The following POU6F1 variants were observed in gnomAD, a reference collection of about 807,000 sequenced individuals.
POU6F1 encodes the protein POU domain, class 6, transcription factor 1.
POU6F1 carries 9 observed loss-of-function variants against 28.9 expected under a neutral mutation model. The ratio of observed to expected loss-of-function variants is 0.31; its 90% CI spans 0.19 to 0.54. The LOEUF (loss-of-function observed/expected upper bound fraction) is 0.54. Ranked by LOEUF, POU6F1 falls within the 20% of genes least tolerant of loss-of-function variation. The pLI is 0.94. For missense variants in POU6F1, 338 were observed against 426.1 expected, an observed-to-expected ratio of 0.79 and a Z score of 1.82; for synonymous variants, 173 against 171.1, an observed-to-expected ratio of 1.01 and a Z score of -0.09.
At chr12:51,194,227 A>G (rs1036075458) in intron 8 of POU6F1, among the ~76,000 whole-genome samples, 1 of 152,026 alleles carries the variant, frequency 6.6e-6, no homozygotes, top group African/African-American at 2.4e-5. Flanking sequence ...AGGTTTCACC[A>G]TGTTGGGCAG....
rs1271111089 is a variant in POU6F1, at chr12:51,199,046, C to T, written c.367-271G>A. 2.0e-5 allele frequency among the ~76,000 whole-genome samples: 3 copies of T among 152,216 alleles called. No homozygotes were observed. The highest frequency in any genetic ancestry group is 4.8e-5 in the African/African-American group (2 of 41,474). On this transcript the variant is annotated intron_variant, in intron 4 of 10. Coordinates refer to ENST00000333640, the MANE Select transcript of POU6F1 (RefSeq NM_001330422.2). This position sits in a 1 kb window ranked among gnomAD's most constrained non-coding sequence, Gnocchi z 4.1. ...CACAGGATGGGAAGGGGGCACAGGC[C>T]TCCCCCACCACAGCCTGCTGCCTGC...
rs1942794324 is a variant in POU6F1, at chr12:51,196,002, G to C, written c.1147C>G (p.Pro383Ala). Residue 383 changes from proline (P) to alanine (A), a missense_variant, in exon 8 of 11, where the codon CCA (proline) becomes GCA (alanine). Pro to Ala is a conservative substitution (Grantham distance 27). Around this residue, in one of 3 missense-constraint regions of POU6F1, gnomAD observed 206 missense variants for 225.6 expected, o/e 0.91. Transcript: ENST00000333640. ...TTAGCAGGGGACTCAGGTGTGCTTG[G>C]CTTCCGGACAGCCACAGGTGGAGGC... ...PLPPPVAVRK[P>A]STPESPAKSE... 1 of 1,608,248 alleles carries C rather than the reference G, an allele frequency of 6.2e-7. No individual in the cohort carries two copies. Among genetic ancestry groups the C allele is most frequent in the Non-Finnish European group, 8.5e-7 (1 of 1,178,790 alleles).
intron 2 of POU6F1, among the ~76,000 whole-genome samples, chr12:51,204,768 ACATGGTATC>A (rs1456794147): frequency 6.6e-6 from 1 of 152,164 alleles, no homozygotes; most frequent in East Asian, 1.9e-4. Context: ...AGGGCTCCTA[ACATGGTATC>A]CACAGCTTAA....
chr12:51,215,189 T>G (rs1944219065), intron 1 of POU6F1, among the ~76,000 whole-genome samples: 2 of 152,058 alleles, frequency 1.3e-5, no homozygotes, highest in Admixed American at 6.6e-5. Flanking sequence ...ACCTTTTCCC[T>G]CAAAACACAC....
intron 1 of POU6F1, among the ~76,000 whole-genome samples, chr12:51,212,140 C>A (rs1944039226): frequency 1.3e-5 from 2 of 151,916 alleles, no homozygotes; most frequent in Non-Finnish European, 2.9e-5. Flanking sequence ...GTCACCCAGG[C>A]TGGAGTCCAG....
Position 51,206,690 on chromosome 12 carries a change from T to A in POU6F1, c.48+99A>T, listed in dbSNP as rs1232377890. 1.3e-5 allele frequency: 5 copies of A among 398,046 alleles called. No homozygotes were observed. In the Admixed American group the frequency reaches 1.8e-4, roughly 14 times the overall value. The allele number at this position is 398,046 out of a possible 1,614,324, so 24.7% of individuals were successfully genotyped here. Reference sequence around the variant, plus strand: ...CAGGTGAAGTGATGGTGAACCCTGGTAAGAAACAGAGAGTGAAGGGCCCTG... The same window carrying A: ...CAGGTGAAGTGATGGTGAACCCTGGAAAGAAACAGAGAGTGAAGGGCCCTG... On this transcript the variant is annotated intron_variant, in intron 2 of 10. Coordinates refer to ENST00000333640, the MANE Select transcript of POU6F1 (RefSeq NM_001330422.2).
chr12:51,197,146 C>T (rs1300882319), intron 6 of POU6F1: 3 of 263,940 alleles, frequency 1.1e-5, no homozygotes, highest in East Asian at 1.2e-4. Flanking sequence ...AGGGGTCTAC[C>T]GGCTGGATGG....
intron 3 of POU6F1, among the ~76,000 whole-genome samples, chr12:51,201,199 C>T (rs1227933729): frequency 2.0e-5 from 3 of 152,200 alleles, no homozygotes; most frequent in African/African-American, 2.4e-5. Context: ...GTCCATGTTT[C>T]AACTTGGGAA....
intron 3 of POU6F1, among the ~76,000 whole-genome samples, chr12:51,203,667 C>T (rs1199889153): frequency 6.6e-6 from 1 of 152,028 alleles, no homozygotes; most frequent in Non-Finnish European, 1.5e-5. Context: ...CTTCTTGGCC[C>T]ACCCCCACCA....
intron 1 of POU6F1, among the ~76,000 whole-genome samples, chr12:51,208,122 A>AAC (rs1325926386): frequency 6.6e-6 from 1 of 151,700 alleles, no homozygotes; most frequent in Non-Finnish European, 1.5e-5. Context: ...AAAAAAAAAA[A>AAC]AAAAAAATTA....
chr12:51,194,315 C>T (rs189138998), intron 8 of POU6F1, among the ~76,000 whole-genome samples: 35 of 152,288 alleles, frequency 2.3e-4, no homozygotes, highest in Non-Finnish European at 4.0e-4. Flanking sequence ...GCCTGAGCCA[C>T]TGTGCCCAGC....
At chr12:51,194,109 C>T (rs1327269405) in intron 8 of POU6F1, among the ~76,000 whole-genome samples, 2 of 152,136 alleles carry the variant, frequency 1.3e-5, no homozygotes, top group Admixed American at 1.3e-4. Flanking sequence ...TCATCACAAC[C>T]TCTGCCTCCC....
At chr12:51,216,943 G>A (rs1204283960) in intron 1 of POU6F1, among the ~76,000 whole-genome samples, 1 of 152,168 alleles carries the variant, frequency 6.6e-6, no homozygotes, top group East Asian at 1.9e-4. Context: ...AGCTCCCTTG[G>A]CCTTGCCAGG....
chr12:51,190,503 T>C lies in POU6F1; in HGVS notation c.1580A>G (p.Gln527Arg). 1 of 1,614,194 alleles carries C rather than the reference T, an allele frequency of 6.2e-7. No individual in the cohort carries two copies. Among genetic ancestry groups the C allele is most frequent in the Middle Eastern group, 1.6e-4 (1 of 6,062 alleles). ...KWLNEAELRNQEGQQNLMEFV... is the reference protein window; with the variant it reads ...KWLNEAELRNREGQQNLMEFV... The stretch of plus-strand genomic sequence containing the variant: ...CTCCATCAGGTTCTGCTGGCCTTCC[T>C]GGTTCCGCAGTTCAGCTTCGTTTAG... The change falls in exon 11 of 11, where the codon CAG becomes CGG. Residue 527 changes from glutamine (Q) to arginine (R), a missense_variant. Gln to Arg is a conservative substitution (Grantham distance 43). Coordinates refer to ENST00000333640, the MANE Select transcript of POU6F1 (RefSeq NM_001330422.2). This position sits in a 1 kb window ranked among gnomAD's most constrained non-coding sequence, Gnocchi z 4.5.
intron 1 of POU6F1, among the ~76,000 whole-genome samples, chr12:51,210,508 T>C (rs1012579677): frequency 2.6e-5 from 4 of 152,176 alleles, no homozygotes; most frequent in African/African-American, 9.7e-5. Context: ...CATAGTCTTG[T>C]TGTGGCGTCT....
rs1342214374 is a variant in POU6F1, at chr12:51,198,616, G to A, written c.526C>T (p.Leu176Phe). 5.0e-6 allele frequency: 2 copies of A among 399,172 alleles called. No individual in the cohort carries two copies. Among genetic ancestry groups the A allele is most frequent in the Non-Finnish European group, 8.8e-6 (2 of 226,314 alleles). 24.7% of individuals were successfully genotyped at this position (399,172 alleles called of 1,614,324 possible). ...WTIPTATVAA[L>F]PGLTAASPTG... ...GGAGAAGCAGCGGTCAGTCCTGGGA[G>A]GGCAGCCACAGTTGCTGTAGGAATT... Residue 176 changes from leucine to phenylalanine, a missense_variant, in exon 5 of 11, where the codon CTC becomes TTC. Around this residue, in one of 3 missense-constraint regions of POU6F1, gnomAD observed 206 missense variants for 225.6 expected, o/e 0.91. Coordinates refer to ENST00000333640, the MANE Select transcript of POU6F1 (RefSeq NM_001330422.2).
Position 51,197,936 on chromosome 12 carries a change from G to A in POU6F1, c.680C>T (p.Pro227Leu). The A allele has an allele frequency of 2.5e-6, 1 of 403,062 alleles. No homozygotes were observed. The highest frequency in any genetic ancestry group is 4.4e-6 in the Non-Finnish European group (1 of 228,832). 25.0% of individuals were successfully genotyped at this position (403,062 alleles called of 1,614,324 possible). A position where few individuals can be genotyped will look rare whatever the true frequency, so the allele number is the denominator to read the frequency against. Reference sequence around the variant, plus strand: ...CTGGAACAGCGTCTGGGGCTGGGCTGGTGGCCGGGGTTGGGCCGTCGAGGA... The same window carrying A: ...CTGGAACAGCGTCTGGGGCTGGGCTAGTGGCCGGGGTTGGGCCGTCGAGGA... ...QASSTAQPRP[P>L]AQPQTLFQTQ... The change falls in exon 6 of 11, where the codon CCA becomes CTA. Residue 227 changes from proline to leucine, a missense_variant. Pro to Leu is a moderately conservative substitution (Grantham distance 98, BLOSUM62 -3). Coordinates refer to ENST00000333640, the MANE Select transcript of POU6F1 (RefSeq NM_001330422.2).
At chr12:51,191,948 A>C (rs1165962039) in intron 9 of POU6F1, among the ~76,000 whole-genome samples, 184 bp from the exon 10 acceptor site, 1 of 152,182 alleles carries the variant, frequency 6.6e-6, no homozygotes, top group East Asian at 1.9e-4. Context: ...GGCCTAAACT[A>C]ACCTCTCCAG....
Position 51,199,529 on chromosome 12 carries a change from G to A in POU6F1, c.366+218C>T, listed in dbSNP as rs78563513. Among the ~76,000 whole-genome samples, 8,329 of 152,286 alleles carry A rather than the reference G, an allele frequency of 0.055. 740 individuals are homozygous for A. The highest frequency in any genetic ancestry group is 0.18 in the African/African-American group (7,603 of 41,522). On this transcript the variant is annotated intron_variant, in intron 4 of 10. Coordinates refer to ENST00000333640, the MANE Select transcript of POU6F1 (RefSeq NM_001330422.2). The surrounding 1 kb of genome is among the most constrained non-coding windows in gnomAD (Gnocchi z 4.1). ...TCTGCAATCCTGGCAGGCCCAAGGA[G>A]ATGATTCTGCAAATGTAGATCCCCT...
Sources: gnomAD v4.1 joint callset for allele counts (sites outside exome capture counted in the v4.1 genomes callset) on GRCh38, gnomAD v4.1.1 for gene constraint, gnomAD v4.1.1 regional missense constraint, Gnocchi (gnomAD v3.1) non-coding constraint, MANE v1.5 for transcripts, NCBI Gene and HGNC (gene_info 2026-07-23, HGNC 2026-07-21) for gene names.